Variants in FIGN observed in about 807,000 individuals in gnomAD.
FIGN encodes fidgetin.
Under a neutral mutation model 51.3 loss-of-function variants are expected in FIGN, and 11 were observed. That is an observed-to-expected ratio of 0.21 (90% CI 0.13 to 0.35). FIGN has a LOEUF of 0.35. Ranked by LOEUF, FIGN falls within the 10% of genes least tolerant of loss-of-function variation. The pLI is 1.00. For missense variants in FIGN, 857 were observed against 943.6 expected (o/e 0.91, Z 1.20); for synonymous variants, 407 against 363.2 (o/e 1.12, Z -1.37).
rs1484604410 is a variant in FIGN at position 163,609,945 on chromosome 2, G to A, written c.1887C>T (p.Ala629=). The A allele has an allele frequency of 1.2e-6, 2 of 1,613,772 alleles. No homozygotes were observed. Among genetic ancestry groups the A allele is most frequent in the African/African-American group, 1.3e-5 (1 of 74,888 alleles). ...SAEDQIVVIC[A]TSKPEEIDES... is the part of the protein sequence containing the mutation. Reference sequence around the variant, plus strand: ...CATCTATTTCTTCTGGTTTACTGGTGGCACAAATTACTACGATTTGGTCCT... The same window carrying A: ...CATCTATTTCTTCTGGTTTACTGGTAGCACAAATTACTACGATTTGGTCCT... Residue 629 remains alanine (A), a synonymous_variant, in exon 3 of 3, where the codon GCC becomes GCT. Transcript: ENST00000333129.
At chr2:163,686,079 AT>A (rs1467105846) in intron 2 of FIGN, among the ~76,000 whole-genome samples, 1 of 152,256 alleles carries the variant, frequency 6.6e-6, no homozygotes, top group Non-Finnish European at 1.5e-5. Context: ...CAAGGAGATT[AT>A]TGAAATAGTA....
intron 2 of FIGN, among the ~76,000 whole-genome samples, chr2:163,731,668 TTACTGATGAAA>T (rs1684931709): frequency 1.3e-5 from 2 of 151,894 alleles, no homozygotes; most frequent in Non-Finnish European, 2.9e-5. Flanking sequence ...TTTAAGAATC[TTACTGATGAAA>T]TACAGCCAGG....
At chr2:163,735,202 T>G in intron 1 of FIGN, 130 bp from the exon 2 acceptor site, 1 of 454,406 alleles carries the variant, frequency 2.2e-6, no homozygotes, top group Non-Finnish European at 3.9e-6. Context: ...TCACTCCCAT[T>G]GAAACTAACA....
intron 2 of FIGN, among the ~76,000 whole-genome samples, chr2:163,727,473 T>C (rs2105367000): frequency 6.6e-6 from 1 of 152,252 alleles, no homozygotes; most frequent in Non-Finnish European, 1.5e-5. Flanking sequence ...TTTCTTTCAT[T>C]AAAGTGCCTA....
rs1691085199 is a variant in FIGN at position 163,605,378 on chromosome 2, G to A, written c.*4174C>T. 1 of 151,974 alleles carries A rather than the reference G, an allele frequency of 6.6e-6. No individual in the cohort carries two copies. The highest frequency in any genetic ancestry group is 1.5e-5 in the Non-Finnish European group (1 of 67,988). The allele number at this position is 151,974 out of a possible 1,614,324, so 9.4% of individuals were successfully genotyped here. A position where few individuals can be genotyped will look rare whatever the true frequency, so the allele number is the denominator to read the frequency against. On this transcript the variant is annotated 3_prime_UTR_variant, in exon 3 of 3. Coordinates refer to ENST00000333129, the MANE Select transcript of FIGN (RefSeq NM_018086.4). ...GGTTGTGAATTCTGAAATACTAATA[G>A]CTCCAGGTTTGCTAATGTGCTTCAT...
In FIGN at chr2:163,711,657, CA is replaced by C. The variant is rs35141137; in HGVS notation, c.25+23245del. Among the ~76,000 whole-genome samples the C allele has an allele frequency of 7.8e-3, 1,036 of 133,398 alleles. 13 individuals carry two copies. Among genetic ancestry groups the C allele is most frequent in the African/African-American group, 0.025 (909 of 35,714 alleles). 87.5% of individuals were successfully genotyped at this position (133,398 alleles called of 152,430 possible). ...TTTATGAATGTGTATATTGTTTCTA[CA>C]AAAAAAAAAAAAAAACTATTTCAGT... On this transcript the variant is annotated intron_variant, in intron 2 of 2. Coordinates refer to ENST00000333129, the MANE Select transcript of FIGN (RefSeq NM_018086.4).
At chr2:163,674,153 C>T (rs1683921497) in intron 2 of FIGN, among the ~76,000 whole-genome samples, 1 of 152,134 alleles carries the variant, frequency 6.6e-6, no homozygotes, top group South Asian at 2.1e-4. Flanking sequence ...TTGGAAGTTA[C>T]CTGAAAAGAT....
At chr2:163,617,258 A>T in intron 2 of FIGN, 12 of 984,020 alleles carry the variant, frequency 1.2e-5, no homozygotes, top group Non-Finnish European at 1.4e-5. Context: ...ATTTTGTTCC[A>T]TCTTTAGAGG....
At chr2:163,679,511 T>C (rs1239138) in intron 2 of FIGN, among the ~76,000 whole-genome samples, 151,575 of 151,948 alleles carry the variant, frequency 1, 75,610 homozygotes, top group Middle Eastern at 1. Context: ...AAAAAAAATG[T>C]ACACTATTTG....
In FIGN at chr2:163,719,581, G is replaced by C. The variant is rs113299223; in HGVS notation, c.25+15322C>G. Among the ~76,000 whole-genome samples, 29 of 152,214 alleles carry C rather than the reference G, an allele frequency of 1.9e-4. 1 individual carries two copies. The highest frequency in any genetic ancestry group is 6.7e-4 in the African/African-American group (28 of 41,530). On this transcript the variant is annotated intron_variant, in intron 2 of 2. Transcript: ENST00000333129. Reference sequence around the variant, plus strand: ...TCATTTGGTCTTGTTTTCTAAAATAGAGTTAACTGCTATATGTAAAATTTC... The same window carrying C: ...TCATTTGGTCTTGTTTTCTAAAATACAGTTAACTGCTATATGTAAAATTTC...
chr2:163,695,820 T>C (rs1039904697), intron 2 of FIGN, among the ~76,000 whole-genome samples: 2 of 152,038 alleles, frequency 1.3e-5, no homozygotes, highest in African/African-American at 2.4e-5. Context: ...TCTTAAAAAA[T>C]AGCACGGCCA....
intron 2 of FIGN, among the ~76,000 whole-genome samples, chr2:163,647,881 T>C (rs1052892015): frequency 6.6e-6 from 1 of 152,082 alleles, no homozygotes; most frequent in Non-Finnish European, 1.5e-5. Flanking sequence ...GAAAGAGATA[T>C]GTAGAGAGAC....
At chr2:163,720,406 G>T (rs1232470619) in intron 2 of FIGN, among the ~76,000 whole-genome samples, 1 of 152,098 alleles carries the variant, frequency 6.6e-6, no homozygotes, top group African/African-American at 2.4e-5. Flanking sequence ...ATTTTAAATG[G>T]TTTATTTGTG....
At chr2:163,672,416 A>G (rs1305313187) in intron 2 of FIGN, among the ~76,000 whole-genome samples, 1 of 152,138 alleles carries the variant, frequency 6.6e-6, no homozygotes, top group Non-Finnish European at 1.5e-5. Context: ...TATAGGATGA[A>G]GTGCCCCTAT....
At chr2:163,619,776 AATCATG>A (rs1186642115) in intron 2 of FIGN, among the ~76,000 whole-genome samples, 1 of 152,160 alleles carries the variant, frequency 6.6e-6, no homozygotes, top group African/African-American at 2.4e-5. Context: ...CAACCCAGGA[AATCATG>A]ATCATAATTC....
chr2:163,618,924 CT>C (rs200456005), intron 2 of FIGN, among the ~76,000 whole-genome samples: 9 of 151,892 alleles, frequency 5.9e-5, no homozygotes, highest in East Asian at 1.9e-4. Flanking sequence ...TTTCCAAATA[CT>C]TTTTTTTATG....
intron 2 of FIGN, among the ~76,000 whole-genome samples, chr2:163,684,850 C>T (rs1467458198): frequency 2.0e-5 from 3 of 152,056 alleles, no homozygotes; most frequent in African/African-American, 4.8e-5. Flanking sequence ...TCTCGGCTCA[C>T]TGCAACCTCC....
At position 163,610,334 on chromosome 2, in the gene FIGN, C is replaced by T. The variant is rs1691212885; in HGVS notation, c.1498G>A (p.Glu500Lys). 6.2e-7 allele frequency: 1 copy of T among 1,614,044 alleles called. No homozygotes were observed. Among genetic ancestry groups the T allele is most frequent in the Non-Finnish European group, 8.5e-7 (1 of 1,180,038 alleles). Residue 500 changes from glutamate to lysine, a missense_variant, in exon 3 of 3, where the codon GAG becomes AAG. Glu to Lys is a moderately conservative substitution (Grantham distance 56). Coordinates refer to ENST00000333129, the MANE Select transcript of FIGN (RefSeq NM_018086.4). Reference protein sequence around the residue: ...GLDLVKAVIKEEVLWPVLRSD... With the variant: ...GLDLVKAVIKKEVLWPVLRSD... ...CTCAACACTGGCCATAAAACCTCCT[C>T]TTTAATGACAGCCTTCACCAGGTCG...
chr2:163,723,150 C>T (rs1684786200), intron 2 of FIGN, among the ~76,000 whole-genome samples: 1 of 151,762 alleles, frequency 6.6e-6, no homozygotes, highest in Non-Finnish European at 1.5e-5. Context: ...GAGATCGCGC[C>T]ACTACACTCC....
Sources: allele counts gnomAD v4.1 joint callset (sites outside exome capture counted in the v4.1 genomes callset), GRCh38; gene constraint gnomAD v4.1.1; transcripts MANE v1.5; gene names NCBI Gene and HGNC (gene_info 2026-07-23, HGNC 2026-07-21).